The following KHDRBS2 variants were observed in gnomAD, a reference collection of about 807,000 sequenced individuals.
The protein encoded by KHDRBS2 is KH RNA binding domain containing, signal transduction associated 2.
In KHDRBS2, 26 loss-of-function variants were observed where a neutral mutation model predicts 44.3. That is an observed-to-expected ratio of 0.59 (90% CI 0.43 to 0.81). KHDRBS2 has a LOEUF of 0.81. KHDRBS2 is among the 40% of genes least tolerant of loss of function. The probability of loss-of-function intolerance (pLI) is 0.00; values close to 1 mark genes in which losing one functional copy is unlikely to be tolerated. For synonymous variants in KHDRBS2, 194 were observed against 151.1 expected (o/e 1.28, Z -2.08); for missense variants, 476 against 433.1 (o/e 1.10, Z -0.88).
rs186290822 is a variant in KHDRBS2, at chr6:61,696,311, G to A, written c.952+884C>T. Among the ~76,000 whole-genome samples, 815 of 151,202 alleles carry A rather than the reference G, an allele frequency of 5.4e-3. 5 individuals are homozygous for A. Among genetic ancestry groups the A allele is most frequent in the Non-Finnish European group, 8.4e-3 (567 of 67,818 alleles). On this transcript the variant is annotated intron_variant, in intron 8 of 8. Transcript: ENST00000281156. ...TCGCTCTGTTGCCAGGCTGGAGTGC[G>A]GTGGCACGATCTCGGCTCACTGCAA...
chr6:62,079,464 A>C (rs1161378322), intron 2 of KHDRBS2, among the ~76,000 whole-genome samples: 1 of 152,060 alleles, frequency 6.6e-6, no homozygotes, highest in East Asian at 1.9e-4. Context: ...TACATTTGTC[A>C]CTGCAGAAAA....
chr6:61,677,942 C>T (rs1020214601), downstream of KHDRBS2, among the ~76,000 whole-genome samples: 1 of 151,860 alleles, frequency 6.6e-6, no homozygotes, highest in Non-Finnish European at 1.5e-5. Context: ...CCCTTTTCCC[C>T]CATCATAAGG....
intron 6 of KHDRBS2, among the ~76,000 whole-genome samples, chr6:61,871,714 G>T (rs1403719761): frequency 1.3e-5 from 2 of 152,160 alleles, no homozygotes; most frequent in Non-Finnish European, 2.9e-5. Context: ...CATTTCTAAA[G>T]AAAAGAATTT....
chr6:61,559,134 C>T, the KHDRBS2 span, among the ~76,000 whole-genome samples: 1 of 152,002 alleles, frequency 6.6e-6, no homozygotes. Flanking sequence ...GCATTATATC[C>T]ATTTGCTGAA....
At chr6:61,840,674 C>T (rs115270903) in intron 6 of KHDRBS2, among the ~76,000 whole-genome samples, 108 of 152,214 alleles carry the variant, frequency 7.1e-4, no homozygotes, top group Middle Eastern at 3.4e-3. Flanking sequence ...ATGGCACATG[C>T]TAATGCTGGC....
chr6:61,809,636 T>G (rs187532569), intron 6 of KHDRBS2, among the ~76,000 whole-genome samples: 1 of 152,296 alleles, frequency 6.6e-6, no homozygotes, highest in African/African-American at 2.4e-5. Flanking sequence ...TATTAAGCTT[T>G]GCAAACCAAT....
rs181156005 is a variant in KHDRBS2, at chr6:62,158,723, T to C, written c.219+18462A>G. 1.2e-3 allele frequency among the ~76,000 whole-genome samples: 189 copies of C among 152,242 alleles called. 1 individual carries two copies. The highest frequency in any genetic ancestry group is 4.2e-3 in the African/African-American group (173 of 41,536). On this transcript the variant is annotated intron_variant, in intron 2 of 8. Coordinates refer to ENST00000281156, the MANE Select transcript of KHDRBS2 (RefSeq NM_152688.4). ...AGTAGGAAGATAAATCTTACCCTGA[T>C]CTTACTTCTCTGTTCCTCTCAACAC...
chr6:62,187,400 C>G (rs1367128285), intron 1 of KHDRBS2, among the ~76,000 whole-genome samples: 1 of 152,024 alleles, frequency 6.6e-6, no homozygotes, highest in African/African-American at 2.4e-5. Flanking sequence ...GGCACCATCC[C>G]AGAAACTGAA....
the KHDRBS2 span, among the ~76,000 whole-genome samples, chr6:61,544,148 TGATA>T: frequency 3.2e-4 from 48 of 152,252 alleles, no homozygotes; most frequent in East Asian, 9.1e-3. Flanking sequence ...ATGCTTGAAG[TGATA>T]GATATGCCAT....
intron 7 of KHDRBS2, 65 bp from the exon 8 acceptor site, chr6:61,697,318 T>C (rs537641927): frequency 9.4e-7 from 1 of 1,060,796 alleles, no homozygotes; most frequent in South Asian, 1.2e-5. Flanking sequence ...GAAACTCATA[T>C]GGAATTTGAA....
intron 6 of KHDRBS2, among the ~76,000 whole-genome samples, chr6:61,783,963 T>C (rs1783416583): frequency 6.6e-6 from 1 of 151,998 alleles, no homozygotes; most frequent in South Asian, 2.1e-4. Context: ...GCAATTGGAT[T>C]ACAGCATTCA....
rs191765772 is a variant in KHDRBS2 at position 61,795,692 on chromosome 6, T to C, written c.811-62928A>G. On this transcript the variant is annotated intron_variant, in intron 6 of 8. Transcript: ENST00000281156. ...GCCTGCTCCAGATCAATGCAACTTA[T>C]AATTTGTTCTTCCCCTGAAAATCAT... Among the ~76,000 whole-genome samples the C allele has an allele frequency of 1.8e-3, 267 of 152,306 alleles. 1 individual carries two copies. The highest frequency in any genetic ancestry group is 6.2e-3 in the African/African-American group (257 of 41,568).
chr6:62,057,350 A>G (rs146186889), intron 2 of KHDRBS2, among the ~76,000 whole-genome samples: 1 of 152,024 alleles, frequency 6.6e-6, no homozygotes, highest in East Asian at 1.9e-4. Flanking sequence ...GATTTAAAGT[A>G]TTAGAAAAAA....
chr6:61,649,230 C>A, the KHDRBS2 span, among the ~76,000 whole-genome samples: 51 of 152,114 alleles, frequency 3.4e-4, no homozygotes, highest in African/African-American at 1.2e-3. Context: ...TCAAAGAGCT[C>A]CAAAAGGCAG....
At chr6:62,170,645 C>A (rs538645331) in intron 2 of KHDRBS2, among the ~76,000 whole-genome samples, 4 of 152,250 alleles carry the variant, frequency 2.6e-5, no homozygotes, top group Middle Eastern at 3.4e-3. Context: ...GCTGCTGGCA[C>A]ATGAGAACAA....
chr6:61,897,533 T>C (rs552202909), intron 5 of KHDRBS2, among the ~76,000 whole-genome samples: 5 of 152,290 alleles, frequency 3.3e-5, no homozygotes, highest in Admixed American at 3.3e-4. Flanking sequence ...CAAAAATTTA[T>C]CTTTCTCTTG....
intron 3 of KHDRBS2, among the ~76,000 whole-genome samples, chr6:61,988,702 G>A (rs963816868): frequency 6.6e-6 from 1 of 152,194 alleles, no homozygotes; most frequent in African/African-American, 2.4e-5. Context: ...TTGCCTTTGA[G>A]ATTGGGAAAA....
At chr6:61,932,109 C>T (rs944816493) in intron 4 of KHDRBS2, among the ~76,000 whole-genome samples, 13 of 152,048 alleles carry the variant, frequency 8.5e-5, no homozygotes, top group African/African-American at 3.1e-4. Flanking sequence ...TAATAGTAGG[C>T]TATTTGTAGT....
intron 6 of KHDRBS2, among the ~76,000 whole-genome samples, chr6:61,767,785 C>G (rs981053023): frequency 6.6e-6 from 1 of 152,006 alleles, no homozygotes; most frequent in Admixed American, 6.6e-5. Flanking sequence ...AATTTTATCC[C>G]CTACTTTTAA....
Sources: gnomAD v4.1 joint callset for allele counts (sites outside exome capture counted in the v4.1 genomes callset) on GRCh38, gnomAD v4.1.1 for gene constraint, MANE v1.5 for transcripts, NCBI Gene and HGNC (gene_info 2026-07-23, HGNC 2026-07-21) for gene names.